Variants in SPIDR observed in about 807,000 individuals in gnomAD.
SPIDR encodes DNA repair-scaffolding protein.
In SPIDR, 93 loss-of-function variants were observed where a neutral mutation model predicts 104.6. The ratio of observed to expected loss-of-function variants is 0.89; its 90% CI spans 0.75 to 1.06. The LOEUF (loss-of-function observed/expected upper bound fraction) is 1.06, where lower values mean the gene tolerates loss of function less well. Among genes scored for constraint, SPIDR ranks in the 50% least tolerant of loss-of-function variants. SPIDR has a pLI of 0.00. For missense variants in SPIDR, 1,154 were observed against 1,111.2 expected, an observed-to-expected ratio of 1.04 and a Z score of -0.55; for synonymous variants, 431 against 416.9, an observed-to-expected ratio of 1.03 and a Z score of -0.41.
intron 10 of SPIDR, among the ~76,000 whole-genome samples, chr8:47,661,969 C>T (rs2074187763): frequency 6.6e-6 from 1 of 152,160 alleles, no homozygotes; most frequent in Non-Finnish European, 1.5e-5. Flanking sequence ...TTGCATCCTG[C>T]CTCGAGTCAC....
At chr8:47,590,076 A>C (rs2060809665) in intron 8 of SPIDR, among the ~76,000 whole-genome samples, 1 of 151,846 alleles carries the variant, frequency 6.6e-6, no homozygotes, top group Non-Finnish European at 1.5e-5. Context: ...CAGGAGGCTG[A>C]GGCAGGAGAA....
At chr8:47,661,364 G>T (rs1358051645) in intron 10 of SPIDR, among the ~76,000 whole-genome samples, 3 of 152,226 alleles carry the variant, frequency 2.0e-5, no homozygotes, top group Non-Finnish European at 4.4e-5. Context: ...GCTCAGTGCT[G>T]CATAGGGCAG....
intron 8 of SPIDR, among the ~76,000 whole-genome samples, chr8:47,504,357 C>G (rs183801159): frequency 4.5e-4 from 69 of 152,132 alleles, no homozygotes; most frequent in African/African-American, 1.4e-3. Context: ...TTTCTCTAAA[C>G]TTCTCTTCTC....
rs925097331 is a variant in SPIDR, at chr8:47,579,002, T to C, written c.1098-16809T>C. ...CTTAAACTTCTTATTTCTGAAATTA[T>C]CTTTATGCTTCAGTTTAGAGTCATT... On this transcript the variant is annotated intron_variant, in intron 8 of 19. Coordinates refer to ENST00000297423, the MANE Select transcript of SPIDR (RefSeq NM_001080394.4). Among the ~76,000 whole-genome samples the C allele has an allele frequency of 2.6e-5, 4 of 152,368 alleles. No homozygotes were observed. In the East Asian group the frequency reaches 7.7e-4, roughly 29 times the overall value.
At chr8:47,405,101 G>C (rs528495532) in intron 6 of SPIDR, among the ~76,000 whole-genome samples, 2 of 152,016 alleles carry the variant, frequency 1.3e-5, no homozygotes, top group East Asian at 3.9e-4. Context: ...AACTGTCGCA[G>C]GGAAGGAGAA....
intron 5 of SPIDR, among the ~76,000 whole-genome samples, chr8:47,298,646 G>T (rs1466768998): frequency 3.9e-5 from 6 of 152,192 alleles, no homozygotes; most frequent in Non-Finnish European, 8.8e-5. Flanking sequence ...TGTAAGGAAG[G>T]GATCTGGTTT....
intron 5 of SPIDR, among the ~76,000 whole-genome samples, chr8:47,346,128 G>T (rs781943434): frequency 2.0e-5 from 3 of 152,114 alleles, no homozygotes; most frequent in African/African-American, 7.2e-5. Flanking sequence ...ATTATTTTGA[G>T]ATACAGTCCA....
At chr8:47,713,174 G>C (rs879565273) in intron 15 of SPIDR, 3 of 680,862 alleles carry the variant, frequency 4.4e-6, no homozygotes, top group Non-Finnish European at 6.9e-6. Flanking sequence ...CGTATACTTA[G>C]ATCAGCCAGC....
chr8:47,351,024 C>A (rs1207404725), intron 5 of SPIDR, among the ~76,000 whole-genome samples: 1 of 152,216 alleles, frequency 6.6e-6, no homozygotes, highest in Non-Finnish European at 1.5e-5. Flanking sequence ...GTAGATGCTC[C>A]TGCCTGTTAG....
intron 5 of SPIDR, among the ~76,000 whole-genome samples, chr8:47,336,568 A>G (rs567982153): frequency 1.8e-4 from 27 of 152,188 alleles, no homozygotes; most frequent in South Asian, 6.2e-4. Flanking sequence ...CCAGCATCTC[A>G]TTGTTTGGAT....
chr8:47,592,694 T>C, intron 8 of SPIDR: 2 of 657,896 alleles, frequency 3.0e-6, no homozygotes, highest in Non-Finnish European at 2.7e-6. Flanking sequence ...TCCCTATTTA[T>C]AATATGATTG....
chr8:47,342,115 G>A (rs1554614470), intron 5 of SPIDR, among the ~76,000 whole-genome samples: 1 of 152,080 alleles, frequency 6.6e-6, no homozygotes, highest in Admixed American at 6.6e-5. Context: ...ATTTAGTATG[G>A]GAGGAGGATT....
At chr8:47,682,665 T>C (rs1277283858) in intron 11 of SPIDR, among the ~76,000 whole-genome samples, 3 of 152,206 alleles carry the variant, frequency 2.0e-5, no homozygotes, top group African/African-American at 7.2e-5. Context: ...ATAAGTTCAG[T>C]TGGAAAATAA....
At chr8:47,358,147 A>G (rs1252261749) in intron 5 of SPIDR, among the ~76,000 whole-genome samples, 1 of 152,134 alleles carries the variant, frequency 6.6e-6, no homozygotes, top group Non-Finnish European at 1.5e-5. Flanking sequence ...CACAGGTGTG[A>G]TCATGGCTCA....
At chr8:47,575,347 G>T (rs1411883173) in intron 8 of SPIDR, among the ~76,000 whole-genome samples, 1 of 152,168 alleles carries the variant, frequency 6.6e-6, no homozygotes, top group Non-Finnish European at 1.5e-5. Context: ...AACTTCTGTA[G>T]TTAAGAAAAA....
At chr8:47,554,871 C>A (rs1006305416) in intron 8 of SPIDR, among the ~76,000 whole-genome samples, 7 of 152,216 alleles carry the variant, frequency 4.6e-5, no homozygotes, top group African/African-American at 1.7e-4. Context: ...ATTCAGCCAT[C>A]TTGGAACCTC....
Position 47,564,590 on chromosome 8 carries a change from G to C in SPIDR, c.1098-31221G>C, listed in dbSNP as rs185374611. ...AGCTATTCAGGAGGCTGAGGCAGGA[G>C]AATCTCTTGAACTCGGGAGGCAGAA... On this transcript the variant is annotated intron_variant, in intron 8 of 19. Coordinates refer to ENST00000297423, the MANE Select transcript of SPIDR (RefSeq NM_001080394.4). Among the ~76,000 whole-genome samples, 4 of 151,520 alleles carry C rather than the reference G, an allele frequency of 2.6e-5. No homozygotes were observed. The East Asian group carries it at 8.0e-4, about 30-fold the overall frequency.
chr8:47,726,834 C>G (rs2084317570), intron 16 of SPIDR, among the ~76,000 whole-genome samples: 1 of 152,084 alleles, frequency 6.6e-6, no homozygotes, highest in Non-Finnish European at 1.5e-5. Context: ...GTTAAGGAGT[C>G]TATATACTAC....
intron 10 of SPIDR, among the ~76,000 whole-genome samples, chr8:47,631,086 G>A (rs1220890308): frequency 6.6e-6 from 1 of 152,174 alleles, no homozygotes; most frequent in Non-Finnish European, 1.5e-5. Flanking sequence ...TGAAGAGGCT[G>A]AGGCCCTCAT....
Sources: gnomAD v4.1 joint callset for allele counts (sites outside exome capture counted in the v4.1 genomes callset) on GRCh38, gnomAD v4.1.1 for gene constraint, MANE v1.5 for transcripts, NCBI Gene and HGNC (gene_info 2026-07-23, HGNC 2026-07-21) for gene names.